DNM3: variants seen among roughly 807,000 people sequenced by gnomAD.
The protein encoded by DNM3 is dynamin-3.
Under a neutral mutation model 101.6 loss-of-function variants are expected in DNM3, and 47 were observed. The ratio of observed to expected loss-of-function variants is 0.46; its 90% CI spans 0.37 to 0.59. The LOEUF (loss-of-function observed/expected upper bound fraction) is 0.59. DNM3 is among the 20% of genes least tolerant of loss of function. The pLI is 0.00. For synonymous variants in DNM3, 385 were observed against 387.9 expected (o/e 0.99, Z 0.09); for missense variants, 849 against 1,085.7 (o/e 0.78, Z 3.06).
rs1313026261 is a variant in DNM3, at chr1:172,412,081, G to A, written c.*4240G>A. On this transcript the variant is annotated 3_prime_UTR_variant, in exon 21 of 21. Coordinates refer to ENST00000627582, the MANE Select transcript of DNM3 (RefSeq NM_015569.5). ...TGTCTTTGTATATATGTAAGAATGT[G>A]TGTATGTGTGAGAGCAAGAGAGAGG... 6 of 985,546 alleles carry A rather than the reference G, an allele frequency of 6.1e-6. No individual in the cohort carries two copies. The highest frequency in any genetic ancestry group is 7.2e-6 in the Non-Finnish European group (6 of 829,850). The allele number at this position is 985,546 out of a possible 1,614,324, so 61.1% of individuals were successfully genotyped here.
At chr1:171,982,662 TTGTG>T (rs3051606) in intron 2 of DNM3, among the ~76,000 whole-genome samples, 21 of 148,770 alleles carry the variant, frequency 1.4e-4, no homozygotes, top group African/African-American at 3.7e-4. Flanking sequence ...ATGTGTGTGT[TTGTG>T]TGTGTGTGTG....
chr1:171,851,623 A>G (rs2032980426), intron 1 of DNM3, among the ~76,000 whole-genome samples: 1 of 152,198 alleles, frequency 6.6e-6, no homozygotes, highest in Non-Finnish European at 1.5e-5. Context: ...TATGTTGGCC[A>G]GGCTGGCCTT....
intron 14 of DNM3, among the ~76,000 whole-genome samples, chr1:172,214,771 A>AT (rs529195732): frequency 6.6e-6 from 1 of 151,858 alleles, no homozygotes. Context: ...TAAATCAGCC[A>AT]TTTTTTTTCA....
intron 15 of DNM3, among the ~76,000 whole-genome samples, chr1:172,272,380 T>C (rs1221678126): frequency 1.3e-5 from 2 of 152,186 alleles, no homozygotes; most frequent in Admixed American, 1.3e-4. Flanking sequence ...CTTGCTTTTT[T>C]TAAAACTGTG....
At chr1:172,207,539 C>T (rs1464424881) in intron 14 of DNM3, among the ~76,000 whole-genome samples, 1 of 152,118 alleles carries the variant, frequency 6.6e-6, no homozygotes, top group Non-Finnish European at 1.5e-5. Context: ...AGGACATGAA[C>T]TCTGCTTTCA....
chr1:172,270,946 T>C (rs1033586032), intron 15 of DNM3, among the ~76,000 whole-genome samples: 2 of 152,180 alleles, frequency 1.3e-5, no homozygotes, highest in African/African-American at 4.8e-5. Flanking sequence ...CTCACTGAAA[T>C]CTTTTATAGG....
At chr1:172,110,995 C>T (rs1459050018) in intron 13 of DNM3, among the ~76,000 whole-genome samples, 1 of 152,170 alleles carries the variant, frequency 6.6e-6, no homozygotes, top group Non-Finnish European at 1.5e-5. Flanking sequence ...GAAATTGTGC[C>T]AGGGCACTCC....
chr1:172,315,093 G>A (rs930311524), intron 16 of DNM3, among the ~76,000 whole-genome samples: 7 of 152,086 alleles, frequency 4.6e-5, no homozygotes, highest in African/African-American at 9.7e-5. Context: ...GAAAATCCAC[G>A]GTTCTGCAGA....
intron 17 of DNM3, among the ~76,000 whole-genome samples, chr1:172,327,740 C>T (rs2065998575): frequency 6.6e-6 from 1 of 152,066 alleles, no homozygotes; most frequent in Non-Finnish European, 1.5e-5. Flanking sequence ...TCCCCCACCA[C>T]CTGGTTGACT....
At chr1:172,213,517 C>CAAAAAAAAA in intron 14 of DNM3, among the ~76,000 whole-genome samples, 2 of 79,378 alleles carry the variant, frequency 2.5e-5, no homozygotes, top group Non-Finnish European at 4.9e-5. Flanking sequence ...TCCATTGTTA[C>CAAAAAAAAA]AAAAAAAAAA....
intron 13 of DNM3, among the ~76,000 whole-genome samples, chr1:172,097,156 C>T (rs963141200): frequency 2.0e-5 from 3 of 152,028 alleles, no homozygotes; most frequent in African/African-American, 7.2e-5. Flanking sequence ...AATCCCAGCA[C>T]TTTGGGAGGC....
At chr1:171,945,457 T>C (rs765749229) in intron 2 of DNM3, among the ~76,000 whole-genome samples, 1 of 152,180 alleles carries the variant, frequency 6.6e-6, no homozygotes, top group African/African-American at 2.4e-5. Flanking sequence ...TTTTTGCAAT[T>C]CACACTTTGT....
In DNM3 at chr1:171,982,528, C is replaced by T. The variant is rs114393707; in HGVS notation, c.236-5128C>T. Among the ~76,000 whole-genome samples, 520 of 152,136 alleles carry T rather than the reference C, an allele frequency of 3.4e-3. 2 individuals carry two copies. The highest frequency in any genetic ancestry group is 6.3e-3 in the Non-Finnish European group (425 of 68,000). On this transcript the variant is annotated intron_variant, in intron 2 of 20. Coordinates refer to ENST00000627582, the MANE Select transcript of DNM3 (RefSeq NM_015569.5). The stretch of plus-strand genomic sequence containing the variant: ...GAAAAAAGTACTTTGTGGTTCCTGC[C>T]CTATCGGTTTTCCAGATAGGCTGGG...
intron 2 of DNM3, among the ~76,000 whole-genome samples, chr1:171,933,513 A>G (rs1464681599): frequency 6.6e-6 from 1 of 152,230 alleles, no homozygotes; most frequent in African/African-American, 2.4e-5. Context: ...TGAGTGTTCA[A>G]GCCACGCTGA....
intron 2 of DNM3, 81 bp downstream of exon 2, chr1:171,921,902 T>C: frequency 7.7e-7 from 1 of 1,306,134 alleles, no homozygotes. Flanking sequence ...ATTGTACAAA[T>C]AGAAACGTTT....
intron 15 of DNM3, among the ~76,000 whole-genome samples, chr1:172,276,339 A>G (rs2063285951): frequency 6.6e-6 from 1 of 152,026 alleles, no homozygotes; most frequent in South Asian, 2.1e-4. Context: ...CCCCTATAGT[A>G]TATACTCACT....
intron 4 of DNM3, among the ~76,000 whole-genome samples, chr1:172,010,682 T>TTGTGTGTGTGTGTGTGTGTG (rs59701730): frequency 8.9e-6 from 1 of 112,728 alleles, no homozygotes; most frequent in Admixed American, 9.7e-5. Flanking sequence ...TTGGTATGTT[T>TTGTGTGTGTGTGTGTGTGTG]TGTGTGTGTG....
At chr1:171,943,579 C>T (rs1248674394) in intron 2 of DNM3, among the ~76,000 whole-genome samples, 3 of 152,228 alleles carry the variant, frequency 2.0e-5, no homozygotes, top group Admixed American at 1.3e-4. Context: ...TTAACTCTTT[C>T]AATCAATTGC....
rs2124971713 is a variant in DNM3 at position 171,847,362 on chromosome 1, G to A, written c.161+5545G>A. ...ATATATGCATTTCCAGTGTCATCTG[G>A]CAGCCCATATCATTTTAGCTCAAGC... On this transcript the variant is annotated intron_variant, in intron 1 of 20. Transcript: ENST00000627582. Among the ~76,000 whole-genome samples the A allele has an allele frequency of 1.3e-5, 2 of 152,224 alleles. 1 individual carries two copies. The highest frequency in any genetic ancestry group is 4.1e-4 in the South Asian group (2 of 4,822).
Sources: allele counts gnomAD v4.1 joint callset (sites outside exome capture counted in the v4.1 genomes callset), GRCh38; gene constraint gnomAD v4.1.1; transcripts MANE v1.5; gene names NCBI Gene and HGNC (gene_info 2026-07-23, HGNC 2026-07-21).